The following ASXL2 variants were observed in gnomAD, a reference collection of about 807,000 sequenced individuals.
ASXL2 encodes the protein putative Polycomb group protein ASXL2.
In ASXL2, 23 loss-of-function variants were observed where a neutral mutation model predicts 122.0. The ratio of observed to expected loss-of-function variants is 0.19; its 90% CI spans 0.14 to 0.27. The LOEUF (loss-of-function observed/expected upper bound fraction) is 0.27, where lower values mean the gene tolerates loss of function less well. Among genes scored for constraint, ASXL2 ranks in the 10% least tolerant of loss-of-function variants. The probability of loss-of-function intolerance (pLI) is 1.00; values close to 1 mark genes in which losing one functional copy is unlikely to be tolerated. For synonymous variants in ASXL2, 650 were observed against 637.0 expected, an observed-to-expected ratio of 1.02 and a Z score of -0.31; for missense variants, 1,518 against 1,713.8, an observed-to-expected ratio of 0.89 and a Z score of 2.02.
chr2:25,795,239 A>C (rs966230521), intron 5 of ASXL2, among the ~76,000 whole-genome samples: 3 of 152,238 alleles, frequency 2.0e-5, no homozygotes, highest in Non-Finnish European at 4.4e-5. Context: ...ATCTTACTGT[A>C]AACTGAGGAC....
chr2:25,797,173 G>A (rs1302256786), intron 5 of ASXL2, among the ~76,000 whole-genome samples: 11 of 152,300 alleles, frequency 7.2e-5, no homozygotes, highest in Admixed American at 3.3e-4. Context: ...CTGGATGGGC[G>A]CAGTGGCTCA....
intron 3 of ASXL2, among the ~76,000 whole-genome samples, chr2:25,827,578 A>G (rs1270286768): frequency 6.6e-6 from 1 of 152,248 alleles, no homozygotes. Flanking sequence ...AAAAAGAAAT[A>G]ATATAAATGT....
At chr2:25,797,729 C>T (rs1266548545) in intron 5 of ASXL2, among the ~76,000 whole-genome samples, 1 of 152,200 alleles carries the variant, frequency 6.6e-6, no homozygotes, top group Non-Finnish European at 1.5e-5. Context: ...ACAATAACCA[C>T]ACTAAATGCT....
At chr2:25,793,050 T>G (rs973889868) in intron 5 of ASXL2, among the ~76,000 whole-genome samples, 61 of 151,790 alleles carry the variant, frequency 4.0e-4, no homozygotes, top group African/African-American at 1.5e-3. Flanking sequence ...GCCAGGAGTT[T>G]GAGACCAGCC....
chr2:25,838,625 T>C (rs2089540728), intron 2 of ASXL2, among the ~76,000 whole-genome samples: 1 of 152,172 alleles, frequency 6.6e-6, no homozygotes, highest in Non-Finnish European at 1.5e-5. Context: ...AGAAGAAATA[T>C]GGGCACAAGT....
intron 1 of ASXL2, among the ~76,000 whole-genome samples, chr2:25,877,938 G>A (rs1337962872): frequency 6.6e-6 from 1 of 152,324 alleles, no homozygotes; most frequent in African/African-American, 2.4e-5. Flanking sequence ...ACACTGAGAG[G>A]ACTCGCCGCA....
At chr2:25,799,751 C>T (rs1243212481) in intron 4 of ASXL2, among the ~76,000 whole-genome samples, 1 of 152,092 alleles carries the variant, frequency 6.6e-6, no homozygotes, top group African/African-American at 2.4e-5. Flanking sequence ...TTATATACAA[C>T]ATTCATATGC....
chr2:25,789,178 G>A (rs966482405), intron 5 of ASXL2, among the ~76,000 whole-genome samples: 1 of 151,666 alleles, frequency 6.6e-6, no homozygotes, highest in East Asian at 2.0e-4. Flanking sequence ...TGCATTTTCT[G>A]CAGTTCAATT....
At position 25,876,694 on chromosome 2, in the gene ASXL2, C is replaced by CA. The variant is rs928805441; in HGVS notation, c.57+1471dup. ...TGTGGGGATGCAACCTCTACACCTT[C>CA]AAAAAAAAGTATAGGAGTCTTATCT... On this transcript the variant is annotated intron_variant, in intron 1 of 12. Coordinates refer to ENST00000435504, the MANE Select transcript of ASXL2 (RefSeq NM_018263.6). Among the ~76,000 whole-genome samples the CA allele has an allele frequency of 1.1e-4, 17 of 151,132 alleles. No homozygotes were observed. The East Asian group carries it at 2.1e-3, about 19-fold the overall frequency.
At chr2:25,835,628 T>TA (rs2089501513) in intron 2 of ASXL2, 88 bp from the exon 3 acceptor site, 1 of 244,522 alleles carries the variant, frequency 4.1e-6, no homozygotes, top group Non-Finnish European at 8.9e-6. Flanking sequence ...AACCAAAAAT[T>TA]AAACTGTCCC....
At chr2:25,828,511 A>AAAG (rs1553703307) in intron 3 of ASXL2, among the ~76,000 whole-genome samples, 1 of 145,072 alleles carries the variant, frequency 6.9e-6, no homozygotes, top group Non-Finnish European at 1.5e-5. Context: ...TCCATTTCAA[A>AAAG]AAAAAAAAAT....
intron 3 of ASXL2, among the ~76,000 whole-genome samples, chr2:25,814,672 A>G (rs1034165279): frequency 4.6e-5 from 7 of 152,234 alleles, no homozygotes; most frequent in African/African-American, 1.7e-4. Flanking sequence ...CATAAGGCCC[A>G]AAGAACTAAA....
Position 25,743,248 on chromosome 2 carries a change from G to C in ASXL2, c.3089C>G (p.Pro1030Arg), listed in dbSNP as rs781150675. Reference protein sequence around the residue: ...LGKTLQSKQLPQVPRPLQLFS... With the variant: ...LGKTLQSKQLRQVPRPLQLFS... ...GAGCTGAAGGGGCCTTGGAACCTGG[G>C]GGAGCTGCTTACTTTGCAAGGTTTT... Residue 1030 changes from proline to arginine, a missense_variant, in exon 13 of 13, where the codon CCC becomes CGC. Pro to Arg is a moderately radical substitution (Grantham distance 103). Coordinates refer to ENST00000435504, the MANE Select transcript of ASXL2 (RefSeq NM_018263.6). 8 of 1,613,544 alleles carry C rather than the reference G, an allele frequency of 5.0e-6. No individual in the cohort carries two copies. In the Admixed American group the frequency reaches 1.0e-4, roughly 20 times the overall value.
At chr2:25,794,029 A>C (rs2088876159) in intron 5 of ASXL2, among the ~76,000 whole-genome samples, 1 of 152,234 alleles carries the variant, frequency 6.6e-6, no homozygotes, top group Non-Finnish European at 1.5e-5. Context: ...TGCCAAAAAA[A>C]GTTTTGCCTC....
intron 2 of ASXL2, among the ~76,000 whole-genome samples, chr2:25,838,248 T>G (rs757034061): frequency 3.1e-4 from 47 of 152,208 alleles, no homozygotes; most frequent in Non-Finnish European, 5.9e-4. Context: ...AGCTAAGCTC[T>G]TTTAGTACCT....
In ASXL2 at chr2:25,734,557, A is replaced by G. The variant is rs950774334; in HGVS notation, c.*7472T>C. ...AGGAAAGACATAAGCTTTGTGTAAA[A>G]TAGTTCTAAAGTATCTTCAGATATT... On this transcript the variant is annotated 3_prime_UTR_variant, in exon 13 of 13. Coordinates refer to ENST00000435504, the MANE Select transcript of ASXL2 (RefSeq NM_018263.6). The G allele has an allele frequency of 2.0e-5, 3 of 152,244 alleles. No individual in the cohort carries two copies. The highest frequency in any genetic ancestry group is 4.4e-5 in the Non-Finnish European group (3 of 68,042). The allele number at this position is 152,244 out of a possible 1,614,324, so 9.4% of individuals were successfully genotyped here.
chr2:25,868,048 A>C (rs1264895445), intron 1 of ASXL2, among the ~76,000 whole-genome samples: 1 of 152,242 alleles, frequency 6.6e-6, no homozygotes, highest in Non-Finnish European at 1.5e-5. Flanking sequence ...CACAGTCTCA[A>C]GTGTATCAGG....
chr2:25,809,718 G>A (rs1168916325), intron 3 of ASXL2, among the ~76,000 whole-genome samples: 2 of 152,180 alleles, frequency 1.3e-5, no homozygotes, highest in African/African-American at 4.8e-5. Context: ...ATTCCCTTAA[G>A]TGTTGTTCCC....
chr2:25,803,789 A>G (rs1419285893), intron 4 of ASXL2, among the ~76,000 whole-genome samples: 5 of 152,232 alleles, frequency 3.3e-5, no homozygotes, highest in Non-Finnish European at 7.3e-5. Context: ...TCAGGCAGTC[A>G]TGCTTGCTTG....
Sources: gnomAD v4.1 joint callset for allele counts (sites outside exome capture counted in the v4.1 genomes callset) on GRCh38, gnomAD v4.1.1 for gene constraint, MANE v1.5 for transcripts, NCBI Gene and HGNC (gene_info 2026-07-23, HGNC 2026-07-21) for gene names.